The following B4GALNT3 variants were observed in gnomAD, a reference collection of about 807,000 sequenced individuals.
The protein encoded by B4GALNT3 is beta-1,4-N-acetylgalactosaminyltransferase 3.
A neutral mutation model predicts 120.2 loss-of-function variants in B4GALNT3; 86 were observed. The observed-to-expected ratio is 0.72, with a 90% CI of 0.60 to 0.86. B4GALNT3 has a LOEUF of 0.86. B4GALNT3 is among the 40% of genes least tolerant of loss of function. The pLI is 0.00. For synonymous variants in B4GALNT3, 518 were observed against 510.4 expected, an observed-to-expected ratio of 1.01 and a Z score of -0.20; for missense variants, 1,167 against 1,298.9, an observed-to-expected ratio of 0.90 and a Z score of 1.56.
chr12:512,053 G>C (rs1301858698), intron 1 of B4GALNT3, among the ~76,000 whole-genome samples: 11 of 72,268 alleles, frequency 1.5e-4, no homozygotes, highest in East Asian at 4.2e-4. Context: ...TTCCACCTTC[G>C]ACCTTCTTCC....
At chr12:525,734 G>A (rs1009255364) in intron 1 of B4GALNT3, among the ~76,000 whole-genome samples, 6 of 152,186 alleles carry the variant, frequency 3.9e-5, no homozygotes, top group East Asian at 1.9e-4. Context: ...GACCAGCTAC[G>A]GGGCTCCTGT....
chr12:462,614 T>A (rs1280681659), intron 1 of B4GALNT3, among the ~76,000 whole-genome samples: 2 of 152,052 alleles, frequency 1.3e-5, no homozygotes, highest in Non-Finnish European at 2.9e-5. Flanking sequence ...CTTCGTTTCC[T>A]TACTCATGGT....
intron 1 of B4GALNT3, among the ~76,000 whole-genome samples, chr12:520,678 TTGACAATTTTCCTGAGGCAGGAG>T (rs1946700984): frequency 1.5e-5 from 1 of 68,392 alleles, no homozygotes; most frequent in Non-Finnish European, 2.9e-5. Context: ...AGTAGGTATT[TTGACAATTTTCCTGAGGCAGGAG>T]AATCTCTTGA....
At chr12:485,732 T>C (rs1324575665) in intron 1 of B4GALNT3, among the ~76,000 whole-genome samples, 1 of 152,222 alleles carries the variant, frequency 6.6e-6, no homozygotes, top group African/African-American at 2.4e-5. Flanking sequence ...TAAATTATAC[T>C]TTAAAAAGTT....
chr12:503,098 G>T (rs1437408527), intron 1 of B4GALNT3, among the ~76,000 whole-genome samples: 1 of 152,110 alleles, frequency 6.6e-6, no homozygotes, highest in Non-Finnish European at 1.5e-5. Flanking sequence ...TAGACAAGAT[G>T]CAGTGACTCA....
chr12:536,378 T>C (rs1946860254), intron 3 of B4GALNT3, 83 bp downstream of exon 3: 2 of 1,180,030 alleles, frequency 1.7e-6, no homozygotes, highest in Admixed American at 1.8e-5. Flanking sequence ...ACAGAAAACT[T>C]TCTACTAGGG....
chr12:506,479 T>C (rs1286475075), intron 1 of B4GALNT3, among the ~76,000 whole-genome samples: 1 of 152,190 alleles, frequency 6.6e-6, no homozygotes, highest in Non-Finnish European at 1.5e-5. Flanking sequence ...TTCTATTTTT[T>C]AAAATTCAAA....
At chr12:512,083 C>T (rs1592032621) in intron 1 of B4GALNT3, among the ~76,000 whole-genome samples, 3 of 137,304 alleles carry the variant, frequency 2.2e-5, no homozygotes, top group East Asian at 2.3e-4. Flanking sequence ...CTTCCACCTT[C>T]GACCTTCCAC....
intron 1 of B4GALNT3, among the ~76,000 whole-genome samples, chr12:518,139 A>G (rs554856448): frequency 6.6e-6 from 1 of 152,302 alleles, no homozygotes; most frequent in South Asian, 2.1e-4. Context: ...GAGGGGTGAA[A>G]CAACTGGGCT....
intron 7 of B4GALNT3, among the ~76,000 whole-genome samples, chr12:547,114 G>T (rs1204523533): frequency 6.6e-6 from 1 of 152,198 alleles, no homozygotes; most frequent in Non-Finnish European, 1.5e-5. Context: ...GCCTCAGAGC[G>T]CCCCCTGGTG....
intron 3 of B4GALNT3, among the ~76,000 whole-genome samples, chr12:540,957 A>C (rs946874722): frequency 6.6e-6 from 1 of 152,074 alleles, no homozygotes; most frequent in East Asian, 1.9e-4. Context: ...GTTAGCCAGG[A>C]TGGTCTCGAT....
chr12:540,679 G>A (rs558909315), intron 3 of B4GALNT3, among the ~76,000 whole-genome samples: 6 of 152,314 alleles, frequency 3.9e-5, no homozygotes, highest in South Asian at 2.1e-4. Flanking sequence ...GTCAGACTCC[G>A]TGTGCTGGGT....
At position 535,227 on chromosome 12, in the gene B4GALNT3, T is replaced by C; in HGVS notation, c.231T>C (p.Asp77=). The C allele has an allele frequency of 1.9e-6, 3 of 1,613,964 alleles. No homozygotes were observed. The East Asian group carries it at 6.7e-5, about 36-fold the overall frequency. ...ALASRNIPAV[D]PHLQFYHPQR... Reference sequence around the variant, plus strand: ...CCAGCAGGAACATTCCAGCTGTGGATCCACACCTCCAGTTCTACCATCCCC... The same window carrying C: ...CCAGCAGGAACATTCCAGCTGTGGACCCACACCTCCAGTTCTACCATCCCC... Residue 77 remains aspartate, a synonymous_variant, in exon 2 of 20, where the codon GAT becomes GAC. Coordinates refer to ENST00000266383, the MANE Select transcript of B4GALNT3 (RefSeq NM_173593.4).
At chr12:522,280 G>A (rs1040899328) in intron 1 of B4GALNT3, among the ~76,000 whole-genome samples, 4 of 152,168 alleles carry the variant, frequency 2.6e-5, no homozygotes, top group Admixed American at 6.5e-5. Flanking sequence ...TAAGACAGAC[G>A]AATGGATAAC....
chr12:477,610 GC>G (rs1194463522), intron 1 of B4GALNT3, among the ~76,000 whole-genome samples: 4 of 152,194 alleles, frequency 2.6e-5, no homozygotes, highest in Non-Finnish European at 5.9e-5. Flanking sequence ...TAAATAAAAG[GC>G]AAATGGAGTC....
At chr12:509,431 G>T (rs1946526082) in intron 1 of B4GALNT3, among the ~76,000 whole-genome samples, 1 of 152,202 alleles carries the variant, frequency 6.6e-6, no homozygotes. Context: ...AAGAGAGGGA[G>T]GCTTTCTAGG....
At chr12:468,032 CTG>C (rs1026754669) in intron 1 of B4GALNT3, among the ~76,000 whole-genome samples, 1 of 152,162 alleles carries the variant, frequency 6.6e-6, no homozygotes, top group South Asian at 2.1e-4. Context: ...AATTTTATGA[CTG>C]TACCTTTATT....
At chr12:553,166 C>A (rs749300232) in intron 13 of B4GALNT3, 28 bp from the exon 14 acceptor site, 2 of 1,603,392 alleles carry the variant, frequency 1.2e-6, no homozygotes, top group Non-Finnish European at 1.7e-6. Context: ...AAACTCTTGA[C>A]ATGAGGAATG....
rs1242842650 is a variant in B4GALNT3 at position 559,356 on chromosome 12, TGGG to T, written c.2826_2828del (p.Gly943del). Reference sequence around the variant, plus strand: ...TCTACAAGTCTGACCTGGACAGGATTGGGGGCATGAACACCAAGGAGTTCCGAG... The same window carrying T: ...TCTACAAGTCTGACCTGGACAGGATTGGCATGAACACCAAGGAGTTCCGAG... On this transcript the variant is annotated inframe_deletion, in exon 19 of 20. Coordinates refer to ENST00000266383, the MANE Select transcript of B4GALNT3 (RefSeq NM_173593.4). The T allele has an allele frequency of 3.7e-6, 6 of 1,613,890 alleles. No individual in the cohort carries two copies. The South Asian group carries it at 6.6e-5, about 18-fold the overall frequency.
Sources: gnomAD v4.1 joint callset for allele counts (sites outside exome capture counted in the v4.1 genomes callset) on GRCh38, gnomAD v4.1.1 for gene constraint, MANE v1.5 for transcripts, NCBI Gene and HGNC (gene_info 2026-07-23, HGNC 2026-07-21) for gene names.